GLYATL1: variants seen among roughly 807,000 people sequenced by gnomAD.
GLYATL1 encodes glycine-N-acyltransferase like 1.
GLYATL1 carries 15 observed loss-of-function variants against 20.0 expected under a neutral mutation model. The observed-to-expected ratio is 0.75, with a 90% confidence interval of 0.50 to 1.15. The LOEUF is 1.15. Among genes scored for constraint, GLYATL1 ranks in the 50% most tolerant of loss-of-function variants. The pLI, the probability that GLYATL1 is intolerant of heterozygous loss-of-function variation, is 0.00. For missense variants in GLYATL1, 380 were observed against 368.5 expected (o/e 1.03, Z -0.26); for synonymous variants, 151 against 131.5 (o/e 1.15, Z -1.01).
chr11:58,919,331 T>C (rs1413996617), intron 1 of GLYATL1, among the ~76,000 whole-genome samples: 4 of 152,198 alleles, frequency 2.6e-5, no homozygotes, highest in Non-Finnish European at 4.4e-5. Flanking sequence ...AGGAGGACCA[T>C]GGGCAAGACC....
intron 1 of GLYATL1, among the ~76,000 whole-genome samples, chr11:58,922,139 T>G (rs1386284400): frequency 6.6e-6 from 1 of 152,228 alleles, no homozygotes; most frequent in Non-Finnish European, 1.5e-5. Flanking sequence ...ATTGGCCCTG[T>G]GTATATGCCT....
At chr11:58,954,212 T>C (rs1208776677) in intron 4 of GLYATL1, among the ~76,000 whole-genome samples, 1 of 152,194 alleles carries the variant, frequency 6.6e-6, no homozygotes, top group Non-Finnish European at 1.5e-5. Context: ...CACTAAAAAT[T>C]AGAGAAATCA....
At chr11:58,907,264 G>A in exon 2 of GLYATL1, 2 of 456,276 alleles carry the variant, frequency 4.4e-6, no homozygotes, top group Non-Finnish European at 8.8e-6. Context: ...TTTGTGGCCT[G>A]TGATCTCTTG....
intron 1 of GLYATL1, among the ~76,000 whole-genome samples, chr11:58,920,238 T>C (rs1855276274): frequency 6.6e-6 from 1 of 152,158 alleles, no homozygotes; most frequent in African/African-American, 2.4e-5. Context: ...AATTTCTTCC[T>C]TGTATTTTAG....
chr11:58,946,323 C>G (rs1300373559), intron 2 of GLYATL1, among the ~76,000 whole-genome samples: 1 of 152,104 alleles, frequency 6.6e-6, no homozygotes, highest in African/African-American at 2.4e-5. Context: ...TGAGAAAACA[C>G]TTTGAGGTTC....
intron 1 of GLYATL1, chr11:58,907,135 G>C (rs1854912405): frequency 7.8e-5 from 29 of 370,218 alleles, no homozygotes; most frequent in South Asian, 6.0e-4. Flanking sequence ...TCCTGGCCTT[G>C]GAAAGTTTTC....
chr11:58,917,842 C>T (rs1021978129), intron 1 of GLYATL1, among the ~76,000 whole-genome samples: 6 of 152,242 alleles, frequency 3.9e-5, no homozygotes, highest in Non-Finnish European at 2.9e-5. Flanking sequence ...ACATTCCTTT[C>T]AGTCCTGGCT....
chr11:58,921,925 G>A (rs1233541717), intron 1 of GLYATL1, among the ~76,000 whole-genome samples: 2 of 152,194 alleles, frequency 1.3e-5, no homozygotes, highest in Non-Finnish European at 1.5e-5. Context: ...AGGGTTAAAT[G>A]GAGTGTATAA....
chr11:58,906,754 T>A (rs1220621765), intron 1 of GLYATL1, among the ~76,000 whole-genome samples: 2 of 152,188 alleles, frequency 1.3e-5, no homozygotes, highest in African/African-American at 4.8e-5. Context: ...TTTGTTTCTG[T>A]AAGCAAGCAC....
chr11:58,953,647 G>C (rs957451543), intron 4 of GLYATL1, among the ~76,000 whole-genome samples: 2 of 151,664 alleles, frequency 1.3e-5, no homozygotes, highest in Admixed American at 6.6e-5. Context: ...CTATTTACTT[G>C]GCTATTTTTG....
rs762979756 is a variant in GLYATL1, at chr11:58,947,887, C to T, written c.108C>T (p.His36=). Residue 36 remains histidine, a synonymous_variant, in exon 4 of 7, where the codon CAC becomes CAT. Coordinates refer to ENST00000532726, the MANE Select transcript of GLYATL1 (RefSeq NM_001389712.2). ...KVYGSVYHIN[H]GNPFNMEVLV... is the part of the protein sequence containing the mutation. ...ATGGCTCTGTGTATCACATCAATCACGGGAACCCCTTCAACATGGAGGTGC... is the reference window on the plus strand; with the variant it reads ...ATGGCTCTGTGTATCACATCAATCATGGGAACCCCTTCAACATGGAGGTGC... The T allele has an allele frequency of 2.0e-5, 32 of 1,613,556 alleles. No individual in the cohort carries two copies. Among genetic ancestry groups the T allele is most frequent in the East Asian group, 4.5e-5 (2 of 44,884 alleles).
At chr11:58,909,615 A>G (rs1236457576), downstream of GLYATL1, among the ~76,000 whole-genome samples, 1 of 152,206 alleles carries the variant, frequency 6.6e-6, no homozygotes, top group Non-Finnish European at 1.5e-5. Context: ...TGGCCTGAAT[A>G]AAGTCATGTA....
rs141321102 is a variant in GLYATL1 at position 58,939,637 on chromosome 11, C to T, written c.-180C>T. ...AAGAACTGCCTTTGGAATTTCACAT[C>T]GGCATCCAGATAGGTGACTGTCCTT... On this transcript the variant is annotated 5_prime_UTR_variant, in exon 1 of 7. Transcript: ENST00000532726. 40 of 152,338 alleles carry T rather than the reference C, an allele frequency of 2.6e-4. No individual in the cohort carries two copies. The highest frequency in any genetic ancestry group is 6.5e-4 in the African/African-American group (27 of 41,566). The allele number at this position is 152,338 out of a possible 1,614,324, so 9.4% of individuals were successfully genotyped here.
At chr11:58,916,125 G>A (rs1855165423) in intron 1 of GLYATL1, among the ~76,000 whole-genome samples, 1 of 152,160 alleles carries the variant, frequency 6.6e-6, no homozygotes, top group African/African-American at 2.4e-5. Flanking sequence ...GCTGTCCCTA[G>A]ACTCTCCTTC....
Position 58,955,215 on chromosome 11 carries a change from C to T in GLYATL1, c.353C>T (p.Thr118Ile). 1.2e-6 allele frequency: 2 copies of T among 1,613,512 alleles called. No homozygotes were observed. Among genetic ancestry groups the T allele is most frequent in the Non-Finnish European group, 1.7e-6 (2 of 1,179,926 alleles). Residue 118 changes from threonine to isoleucine, a missense_variant, in exon 6 of 7, where the codon ACA (threonine) becomes ATA (isoleucine). Physicochemically the swap from Thr to Ile is moderately conservative, Grantham distance 89 (BLOSUM62 -1). Transcript: ENST00000532726. ...ESLGEGIRVA[T>I]FSKSVKVEHS... is the part of the protein sequence containing the mutation. ...TTAGGTGAGGGGATAAGAGTGGCTA[C>T]ATTTTCAAAGTCAGTGAAAGTAGAG...
At position 58,932,137 on chromosome 11, in the gene GLYATL1, A is replaced by G. The variant is rs1378509223; in HGVS notation, c.-212+4308A>G. Among the ~76,000 whole-genome samples the G allele has an allele frequency of 2.0e-5, 3 of 146,798 alleles. No individual in the cohort carries two copies. In the Admixed American group the frequency reaches 2.1e-4, roughly 10 times the overall value. On this transcript the variant is annotated intron_variant, in intron 1 of 7. Transcript: ENST00000317391. ...AAAAAAAAAAAAAAAAAAAAAAGAC[A>G]TAAACATTTTAGAGCCTGAAGCATG...
At chr11:58,907,177 A>C (rs1854914284) in intron 1 of GLYATL1, 2 of 450,296 alleles carry the variant, frequency 4.4e-6, no homozygotes, top group Admixed American at 4.7e-5. Flanking sequence ...ACACAGTTGA[A>C]TACTTTAGGG....
At chr11:58,916,917 A>G (rs1457444515) in intron 1 of GLYATL1, 4 of 152,158 alleles carry the variant, frequency 2.6e-5, no homozygotes, top group African/African-American at 9.7e-5. Context: ...TATCCTCTAG[A>G]GGTTTCTCAT....
At chr11:58,905,583 C>G (rs1362283694) in exon 1 of GLYATL1, 1 of 456,192 alleles carries the variant, frequency 2.2e-6, no homozygotes, top group African/African-American at 2.0e-5. Context: ...GCCGCGCAAC[C>G]CCTCCTTGGC....
Sources: gnomAD v4.1 joint callset for allele counts (sites outside exome capture counted in the v4.1 genomes callset) on GRCh38, gnomAD v4.1.1 for gene constraint, MANE v1.5 for transcripts, NCBI Gene and HGNC (gene_info 2026-07-23, HGNC 2026-07-21) for gene names.